Variants in CTNNA2 observed in about 807,000 individuals in gnomAD.
CTNNA2 encodes the protein catenin alpha 2, also known as catenin alpha-2.
CTNNA2 carries 42 observed loss-of-function variants against 101.0 expected under a neutral mutation model. That is an observed-to-expected ratio of 0.42 (90% confidence interval 0.32 to 0.54). CTNNA2 has a LOEUF of 0.54. CTNNA2 is among the 20% of genes least tolerant of loss of function. The pLI is 0.14. For synonymous variants in CTNNA2, 450 were observed against 456.4 expected (o/e 0.99, Z 0.18); for missense variants, 871 against 1,223.1 (o/e 0.71, Z 4.29).
chr2:80,174,470 C>G (rs1705272005), intron 7 of CTNNA2, among the ~76,000 whole-genome samples: 1 of 152,120 alleles, frequency 6.6e-6, no homozygotes, highest in South Asian at 2.1e-4. Flanking sequence ...GACTCTGGAC[C>G]ATTTATGCCA....
At chr2:79,414,629 C>A (rs564204984) in intron 4 of CTNNA2, among the ~76,000 whole-genome samples, 1 of 151,978 alleles carries the variant, frequency 6.6e-6, no homozygotes, top group Admixed American at 6.6e-5. Context: ...AACGTTTTTG[C>A]CAATTAAATA....
chr2:80,416,234 C>T (rs1248811138), intron 8 of CTNNA2, among the ~76,000 whole-genome samples: 1 of 151,980 alleles, frequency 6.6e-6, no homozygotes, highest in Admixed American at 6.6e-5. Context: ...AAAAAGGTAG[C>T]TATATGAGGT....
At chr2:79,950,142 A>T (rs1574389286) in intron 7 of CTNNA2, among the ~76,000 whole-genome samples, 1 of 104,920 alleles carries the variant, frequency 9.5e-6, no homozygotes, top group African/African-American at 3.6e-5. Flanking sequence ...AGATTTTGTG[A>T]AAAAAAAAAA....
rs144187287 is a variant in CTNNA2 at position 79,195,550 on chromosome 2, G to T, written c.-523-2409G>T. ...CTCAGTTTAGTCCTACTAACCAAAA[G>T]AAATGTATTTGCTGCCTGCTTCAGA... On this transcript the variant is annotated intron_variant, in intron 1 of 21. Coordinates refer to the CTNNA2 transcript ENST00000466387. Among the ~76,000 whole-genome samples, 699 of 152,256 alleles carry T rather than the reference G, an allele frequency of 4.6e-3. 7 individuals carry two copies. Among genetic ancestry groups the T allele is most frequent in the African/African-American group, 0.016 (648 of 41,552 alleles).
chr2:80,024,369 T>A (rs1414390942), intron 7 of CTNNA2, among the ~76,000 whole-genome samples: 1 of 152,038 alleles, frequency 6.6e-6, no homozygotes, highest in Non-Finnish European at 1.5e-5. Context: ...ACAGGCTTAT[T>A]GGGAAAGATT....
At position 79,881,742 on chromosome 2, in the gene CTNNA2, G is replaced by A. The variant is rs570968635; in HGVS notation, c.852+7400G>A. ...GTCTCCTGAATACAGCACACTGATG[G>A]GTCTTGACTCTTCATTCAATTTGCC... On this transcript the variant is annotated intron_variant, in intron 6 of 18. Transcript: ENST00000402739. 5.3e-5 allele frequency among the ~76,000 whole-genome samples: 8 copies of A among 151,086 alleles called. No individual in the cohort carries two copies. In the South Asian group the frequency reaches 1.7e-3, roughly 32 times the overall value.
At chr2:79,279,469 C>G (rs375628301) in intron 2 of CTNNA2, among the ~76,000 whole-genome samples, 1 of 152,038 alleles carries the variant, frequency 6.6e-6, no homozygotes, top group Non-Finnish European at 1.5e-5. Context: ...TTCGTCCATG[C>G]CCCCAACTTC....
At chr2:79,767,950 C>T (rs1673282375) in intron 3 of CTNNA2, among the ~76,000 whole-genome samples, 1 of 151,722 alleles carries the variant, frequency 6.6e-6, no homozygotes, top group Non-Finnish European at 1.5e-5. Context: ...GCTAGTATGT[C>T]AGTATGTCAC....
At chr2:79,422,699 A>C (rs535396660) in intron 4 of CTNNA2, among the ~76,000 whole-genome samples, 2 of 152,332 alleles carry the variant, frequency 1.3e-5, no homozygotes, top group Admixed American at 1.3e-4. Flanking sequence ...AGACTCTGGT[A>C]ATAAAGGCTG....
At chr2:80,271,793 T>C (rs1673511726) in intron 7 of CTNNA2, among the ~76,000 whole-genome samples, 1 of 152,168 alleles carries the variant, frequency 6.6e-6, no homozygotes, top group South Asian at 2.1e-4. Flanking sequence ...CCTCTAGTGA[T>C]AAATAACACA....
At chr2:80,520,561 G>C (rs755483663) in intron 9 of CTNNA2, among the ~76,000 whole-genome samples, 5 of 152,126 alleles carry the variant, frequency 3.3e-5, no homozygotes, top group Non-Finnish European at 7.4e-5. Flanking sequence ...CCTTTTTCCG[G>C]AGTTGCAGGT....
chr2:79,358,920 C>T (rs1677566625), intron 3 of CTNNA2, among the ~76,000 whole-genome samples: 1 of 152,108 alleles, frequency 6.6e-6, no homozygotes, highest in South Asian at 2.1e-4. Context: ...CTCTCTAACC[C>T]AAATAATTTT....
chr2:79,640,990 T>C (rs979741124), intron 1 of CTNNA2, among the ~76,000 whole-genome samples: 6 of 152,114 alleles, frequency 3.9e-5, no homozygotes, highest in African/African-American at 1.2e-4. Flanking sequence ...TATTTGGATA[T>C]TGGAGGATGA....
At chr2:80,016,711 T>C (rs772059682) in intron 7 of CTNNA2, among the ~76,000 whole-genome samples, 50 of 152,310 alleles carry the variant, frequency 3.3e-4, no homozygotes, top group Non-Finnish European at 7.1e-4. Context: ...GGAACATTTT[T>C]GTCTTTTGGT....
chr2:80,529,547 T>G (rs1197756399), intron 9 of CTNNA2, among the ~76,000 whole-genome samples: 2 of 152,208 alleles, frequency 1.3e-5, no homozygotes, highest in Non-Finnish European at 2.9e-5. Context: ...TCTTTTGTTC[T>G]CTCCCTTTCT....
At chr2:80,634,049 T>C (rs1246730169) in intron 18 of CTNNA2, among the ~76,000 whole-genome samples, 1 of 152,174 alleles carries the variant, frequency 6.6e-6, no homozygotes, top group African/African-American at 2.4e-5. Flanking sequence ...TGCCCTAGCT[T>C]TGTGTCTTTG....
intron 6 of CTNNA2, among the ~76,000 whole-genome samples, chr2:79,881,635 C>A (rs1465634665): frequency 6.6e-6 from 1 of 151,670 alleles, no homozygotes; most frequent in African/African-American, 2.4e-5. Context: ...GCAACCCCTG[C>A]TTTTTTTGCT....
intron 7 of CTNNA2, among the ~76,000 whole-genome samples, chr2:80,125,768 T>C (rs768696466): frequency 6.6e-6 from 1 of 152,202 alleles, no homozygotes; most frequent in Non-Finnish European, 1.5e-5. Flanking sequence ...TTCAGGCCAA[T>C]TCTTAATGCT....
At chr2:80,643,320 A>G (rs1673690306) in intron 18 of CTNNA2, among the ~76,000 whole-genome samples, 2 of 152,076 alleles carry the variant, frequency 1.3e-5, no homozygotes, top group South Asian at 4.1e-4. Context: ...ACATGTTAGC[A>G]GTGTGATAAT....
Sources: gnomAD v4.1 joint callset for allele counts (sites outside exome capture counted in the v4.1 genomes callset) on GRCh38, gnomAD v4.1.1 for gene constraint, MANE v1.5 for transcripts, NCBI Gene and HGNC (gene_info 2026-07-23, HGNC 2026-07-21) for gene names.